Variants in CSMD1 observed in about 807,000 individuals in gnomAD.
CSMD1 encodes CUB and sushi domain-containing protein 1.
CSMD1 carries 213 observed loss-of-function variants against 417.5 expected under a neutral mutation model. That is an observed-to-expected ratio of 0.51 (90% CI 0.46 to 0.57). The LOEUF is 0.57. Among genes scored for constraint, CSMD1 ranks in the 20% least tolerant of loss-of-function variants. CSMD1 has a pLI of 0.00. For missense variants in CSMD1, 6,923 were observed against 4,529.7 expected, an observed-to-expected ratio of 1.53 and a Z score of -15.17; for synonymous variants, 2,862 against 1,736.8, an observed-to-expected ratio of 1.65 and a Z score of -16.11.
At chr8:4,204,153 G>A (rs138710601) in intron 3 of CSMD1, among the ~76,000 whole-genome samples, 1 of 151,998 alleles carries the variant, frequency 6.6e-6, no homozygotes, top group Non-Finnish European at 1.5e-5. Context: ...TTCAAGTCCT[G>A]AAATTCATTG....
At chr8:4,208,203 A>G (rs1257847941) in intron 3 of CSMD1, among the ~76,000 whole-genome samples, 3 of 152,208 alleles carry the variant, frequency 2.0e-5, no homozygotes, top group African/African-American at 7.2e-5. Flanking sequence ...GCTATGGAAC[A>G]CAGATATTTC....
In CSMD1 at chr8:4,774,358, A is replaced by C. The variant is rs140547616; in HGVS notation, c.86-136800T>G. On this transcript the variant is annotated intron_variant, in intron 1 of 69. Transcript: ENST00000635120. ...TCAAAACTGAAGGAAATCCATGAGTAAGATCAGAGAACCAAAGCATTCTTG... is the reference window on the plus strand; with the variant it reads ...TCAAAACTGAAGGAAATCCATGAGTCAGATCAGAGAACCAAAGCATTCTTG... Among the ~76,000 whole-genome samples, 967 of 152,304 alleles carry C rather than the reference A, an allele frequency of 6.3e-3. 12 individuals carry two copies. Among genetic ancestry groups the C allele is most frequent in the African/African-American group, 0.021 (887 of 41,568 alleles).
At chr8:3,996,626 T>A (rs987410645) in intron 5 of CSMD1, among the ~76,000 whole-genome samples, 1 of 152,148 alleles carries the variant, frequency 6.6e-6, no homozygotes, top group Non-Finnish European at 1.5e-5. Context: ...TCCTGAGTGT[T>A]TAAAGTTAAA....
At chr8:4,600,943 C>T (rs1394905781) in intron 2 of CSMD1, among the ~76,000 whole-genome samples, 2 of 146,548 alleles carry the variant, frequency 1.4e-5, no homozygotes, top group African/African-American at 2.5e-5. Context: ...CAAAAAATTT[C>T]CCTCTTAATT....
chr8:3,690,101 G>A (rs1800157123), intron 7 of CSMD1, among the ~76,000 whole-genome samples: 1 of 152,200 alleles, frequency 6.6e-6, no homozygotes, highest in Non-Finnish European at 1.5e-5. Context: ...GCCAACATCT[G>A]TAATCCCAGC....
intron 49 of CSMD1, among the ~76,000 whole-genome samples, chr8:3,079,629 C>G (rs4483181): frequency 0.33 from 49,633 of 151,960 alleles, 8,189 homozygotes; most frequent in East Asian, 0.39. Context: ...ATCCTCCTAA[C>G]ATTTGAGAAT....
intron 1 of CSMD1, among the ~76,000 whole-genome samples, chr8:4,700,388 C>T (rs1305553777): frequency 1.3e-5 from 2 of 151,912 alleles, no homozygotes; most frequent in East Asian, 1.9e-4. Flanking sequence ...TGATCATTTG[C>T]TATACTTTGC....
At chr8:3,772,839 AC>A (rs1798691140) in intron 5 of CSMD1, among the ~76,000 whole-genome samples, 2 of 151,844 alleles carry the variant, frequency 1.3e-5, no homozygotes, top group East Asian at 1.9e-4. Context: ...GCACCTCCCA[AC>A]CCCCTCCTCT....
chr8:3,919,760 C>T (rs901989232), intron 5 of CSMD1, among the ~76,000 whole-genome samples: 61 of 151,914 alleles, frequency 4.0e-4, no homozygotes, highest in African/African-American at 1.5e-3. Flanking sequence ...TATTCCAATC[C>T]AGGAACACAA....
chr8:2,955,260 C>T (rs923287139), intron 64 of CSMD1, among the ~76,000 whole-genome samples: 3 of 152,148 alleles, frequency 2.0e-5, no homozygotes, highest in Non-Finnish European at 4.4e-5. Flanking sequence ...TGAAACTATA[C>T]CAAGTATTAT....
At chr8:3,807,291 T>A (rs1041524363) in intron 5 of CSMD1, among the ~76,000 whole-genome samples, 1 of 152,160 alleles carries the variant, frequency 6.6e-6, no homozygotes, top group Admixed American at 6.5e-5. Flanking sequence ...CTATACCGCA[T>A]GCCAGCAAAA....
chr8:3,195,988 G>T (rs1796682125), intron 33 of CSMD1, among the ~76,000 whole-genome samples: 1 of 152,234 alleles, frequency 6.6e-6, no homozygotes, highest in South Asian at 2.1e-4. Flanking sequence ...TTCATAGGAG[G>T]TCAGGTGTTC....
intron 1 of CSMD1, among the ~76,000 whole-genome samples, chr8:4,932,153 G>C (rs1014201982): frequency 2.3e-4 from 35 of 152,136 alleles, no homozygotes; most frequent in Non-Finnish European, 1.3e-4. Context: ...TAGATAAATT[G>C]ATTACAGCAA....
intron 3 of CSMD1, among the ~76,000 whole-genome samples, chr8:4,254,841 T>C (rs1803339942): frequency 6.6e-6 from 1 of 152,156 alleles, no homozygotes. Flanking sequence ...GGCTGTACCA[T>C]CTAGGTGGTC....
chr8:4,513,484 G>T, intron 2 of CSMD1, among the ~76,000 whole-genome samples: 1 of 152,158 alleles, frequency 6.6e-6, no homozygotes, highest in East Asian at 1.9e-4. Flanking sequence ...CAACAAAGAT[G>T]AAATGTCGGA....
At chr8:4,140,101 C>G (rs897106803) in intron 3 of CSMD1, among the ~76,000 whole-genome samples, 1 of 150,852 alleles carries the variant, frequency 6.6e-6, no homozygotes, top group Non-Finnish European at 1.5e-5. Flanking sequence ...GCCTATAGTC[C>G]TAACACTTTT....
intron 3 of CSMD1, among the ~76,000 whole-genome samples, chr8:4,295,020 A>G (rs558210147): frequency 2.0e-5 from 3 of 149,424 alleles, no homozygotes; most frequent in African/African-American, 7.3e-5. Context: ...TGTTAAGATT[A>G]TATATACATA....
chr8:4,113,558 G>C (rs931917915), intron 3 of CSMD1, among the ~76,000 whole-genome samples: 14 of 151,978 alleles, frequency 9.2e-5, no homozygotes, highest in African/African-American at 3.1e-4. Flanking sequence ...GCACGTGCCA[G>C]CACACCTGGC....
At chr8:3,992,302 T>C (rs531262025) in intron 5 of CSMD1, among the ~76,000 whole-genome samples, 2 of 152,092 alleles carry the variant, frequency 1.3e-5, no homozygotes, top group African/African-American at 4.8e-5. Context: ...CTACCTGGAG[T>C]ACGCAAGTTT....
Sources: gnomAD v4.1 joint callset for allele counts (sites outside exome capture counted in the v4.1 genomes callset) on GRCh38, gnomAD v4.1.1 for gene constraint, MANE v1.5 for transcripts, NCBI Gene and HGNC (gene_info 2026-07-23, HGNC 2026-07-21) for gene names.